The following F13A1 variants were observed in gnomAD, a reference collection of about 807,000 sequenced individuals.
F13A1 encodes coagulation factor XIII A chain, also known as FSF, A subunit.
Under a neutral mutation model 80.1 loss-of-function variants are expected in F13A1, and 47 were observed. That is an observed-to-expected ratio of 0.59 (90% confidence interval 0.46 to 0.75). The LOEUF is 0.75. Among genes scored for constraint, F13A1 ranks in the 30% least tolerant of loss-of-function variants. The pLI, the probability that F13A1 is intolerant of heterozygous loss-of-function variation, is 0.00. For missense variants in F13A1, 817 were observed against 930.4 expected, an observed-to-expected ratio of 0.88 and a Z score of 1.59; for synonymous variants, 349 against 344.9, an observed-to-expected ratio of 1.01 and a Z score of -0.13.
At chr6:6,149,889 C>T (rs3778361) in intron 14 of F13A1, among the ~76,000 whole-genome samples, 7,343 of 152,298 alleles carry the variant, frequency 0.048, 261 homozygotes, top group South Asian at 0.12. Context: ...TCCATCCTTT[C>T]TCCCGATTCA....
chr6:6,209,323 TAAAAAAA>T (rs34436663), intron 8 of F13A1, among the ~76,000 whole-genome samples: 8 of 131,808 alleles, frequency 6.1e-5, no homozygotes, highest in African/African-American at 2.2e-4. Context: ...CAATAATAAT[TAAAAAAA>T]AAAAAAAAAC....
rs541681313 is a variant in F13A1 at position 6,174,117 on chromosome 6, C to T, written c.1747+463G>A. Among the ~76,000 whole-genome samples the T allele has an allele frequency of 6.3e-4, 96 of 151,824 alleles. 3 individuals are homozygous for T. The South Asian group carries it at 0.018, about 28-fold the overall frequency. The stretch of plus-strand genomic sequence containing the variant: ...AAAGTGGAGGCTTTTGGGCCGAGTG[C>T]GGTGGCTGACGCCTATAATTCCAGC... On this transcript the variant is annotated intron_variant, in intron 12 of 14. Coordinates refer to ENST00000264870, the MANE Select transcript of F13A1 (RefSeq NM_000129.4).
intron 7 of F13A1, 64 bp downstream of exon 7, chr6:6,224,622 G>A (rs1368390794): frequency 6.7e-7 from 1 of 1,495,416 alleles, no homozygotes; most frequent in Non-Finnish European, 9.3e-7. Context: ...TTAGGTTATA[G>A]AAAAAATGTC....
chr6:6,313,787 T>G (rs1758640708), intron 2 of F13A1, among the ~76,000 whole-genome samples: 1 of 152,174 alleles, frequency 6.6e-6, no homozygotes, highest in African/African-American at 2.4e-5. Context: ...TTAAGTGGCT[T>G]AATTTATAAA....
chr6:6,211,133 G>T (rs147523973), intron 8 of F13A1, among the ~76,000 whole-genome samples: 2 of 152,324 alleles, frequency 1.3e-5, no homozygotes, highest in Non-Finnish European at 2.9e-5. Flanking sequence ...TTAAGTTACC[G>T]TGCCACTAAC....
intron 2 of F13A1, among the ~76,000 whole-genome samples, chr6:6,310,383 T>A (rs1674043): frequency 0.77 from 117,891 of 152,208 alleles, 46,267 homozygotes; most frequent in African/African-American, 0.91. Context: ...ACTACTTACT[T>A]ATTGTGCAGC....
rs1160750080 is a variant in F13A1, at chr6:6,277,335, C to CAAAAAA, written c.320-10532_320-10527dup. The stretch of plus-strand genomic sequence containing the variant: ...TGGGCGACAGAGCGAGACTCCGTCT[C>CAAAAAA]AAAAAAAAAAAAAAAAAAAAAAAAA... On this transcript the variant is annotated intron_variant, in intron 3 of 14. Coordinates refer to ENST00000264870, the MANE Select transcript of F13A1 (RefSeq NM_000129.4). 7.2e-3 allele frequency among the ~76,000 whole-genome samples: 3 copies of CAAAAAA among 414 alleles called. 1 individual carries two copies. The African/African-American group carries it at 0.094, about 13-fold the overall frequency. 0.3% of individuals were successfully genotyped at this position (414 alleles called of 152,430 possible).
At chr6:6,188,113 T>G (rs1217930502) in intron 10 of F13A1, among the ~76,000 whole-genome samples, 1 of 152,188 alleles carries the variant, frequency 6.6e-6, no homozygotes, top group Non-Finnish European at 1.5e-5. Context: ...TTCTTCTCTC[T>G]TTTTTTCTTT....
chr6:6,252,162 G>A (rs1304147169), intron 4 of F13A1, among the ~76,000 whole-genome samples: 1 of 152,156 alleles, frequency 6.6e-6, no homozygotes, highest in African/African-American at 2.4e-5. Context: ...CTCAGTTTCA[G>A]CCATAAGTTT....
At chr6:6,295,409 G>T (rs1467845352) in intron 3 of F13A1, among the ~76,000 whole-genome samples, 1 of 147,822 alleles carries the variant, frequency 6.8e-6, no homozygotes, top group Non-Finnish European at 1.5e-5. Flanking sequence ...AGCACCTGTT[G>T]TTTCCTGACT....
At chr6:6,309,130 C>T (rs1218844679) in intron 2 of F13A1, among the ~76,000 whole-genome samples, 1 of 152,152 alleles carries the variant, frequency 6.6e-6, no homozygotes, top group Non-Finnish European at 1.5e-5. Flanking sequence ...TTCTCCCTAG[C>T]TTCTTGTCCT....
chr6:6,266,067 C>A (rs1757839472), intron 4 of F13A1, among the ~76,000 whole-genome samples: 1 of 152,190 alleles, frequency 6.6e-6, no homozygotes, highest in African/African-American at 2.4e-5. Flanking sequence ...AAATGTATAG[C>A]AGCATTGACT....
chr6:6,152,098 G>C, intron 13 of F13A1, 149 bp from the exon 14 acceptor site: 1 of 885,804 alleles, frequency 1.1e-6, no homozygotes, highest in Non-Finnish European at 1.8e-6. Context: ...TGATTGCTTT[G>C]ACTGGAGGAT....
intron 5 of F13A1, 94 bp from the exon 6 acceptor site, chr6:6,248,513 T>A: frequency 1.1e-6 from 1 of 930,404 alleles, no homozygotes; most frequent in Non-Finnish European, 1.7e-6. Context: ...CAACCTAATG[T>A]TTAGAAATGT....
intron 4 of F13A1, among the ~76,000 whole-genome samples, chr6:6,255,220 AT>A (rs910922203): frequency 3.3e-5 from 5 of 151,904 alleles, no homozygotes; most frequent in African/African-American, 4.8e-5. Context: ...TTACTTCTTA[AT>A]TTTTTTTAAG....
intron 3 of F13A1, among the ~76,000 whole-genome samples, chr6:6,300,751 C>T (rs1401195043): frequency 6.6e-6 from 1 of 151,552 alleles, no homozygotes; most frequent in Non-Finnish European, 1.5e-5. Context: ...CCTATTCGGC[C>T]ATCTTGGCTC....
intron 3 of F13A1, among the ~76,000 whole-genome samples, chr6:6,289,508 G>A (rs2113154661): frequency 6.7e-6 from 1 of 149,376 alleles, no homozygotes; most frequent in African/African-American, 2.6e-5. Context: ...TCCTTTGGGG[G>A]AAAAAAAGGA....
intron 8 of F13A1, among the ~76,000 whole-genome samples, chr6:6,218,237 C>T (rs2113051348): frequency 6.6e-6 from 1 of 152,288 alleles, no homozygotes; most frequent in South Asian, 2.1e-4. Flanking sequence ...TCCATTTTGA[C>T]TGTGACCTTT....
intron 4 of F13A1, among the ~76,000 whole-genome samples, chr6:6,253,032 G>A (rs1312118069): frequency 6.6e-6 from 1 of 151,188 alleles, no homozygotes; most frequent in Non-Finnish European, 1.5e-5. Flanking sequence ...GGTGGTGTGT[G>A]CCTGTAATCC....
Sources: gnomAD v4.1 joint callset for allele counts (sites outside exome capture counted in the v4.1 genomes callset) on GRCh38, gnomAD v4.1.1 for gene constraint, MANE v1.5 for transcripts, NCBI Gene and HGNC (gene_info 2026-07-23, HGNC 2026-07-21) for gene names.